Variants in BMPER observed in about 807,000 individuals in gnomAD.
BMPER encodes the protein BMP-binding endothelial regulator protein.
In BMPER, 45 loss-of-function variants were observed where a neutral mutation model predicts 87.3. The ratio of observed to expected loss-of-function variants is 0.52; its 90% confidence interval spans 0.41 to 0.66. BMPER has a LOEUF of 0.66. BMPER is among the 30% of genes least tolerant of loss of function. The pLI is 0.00. For missense variants in BMPER, 784 were observed against 867.5 expected, an observed-to-expected ratio of 0.90 and a Z score of 1.21; for synonymous variants, 326 against 316.2, an observed-to-expected ratio of 1.03 and a Z score of -0.33.
At chr7:34,057,832 A>ACG (rs1491368272) in intron 9 of BMPER, among the ~76,000 whole-genome samples, 18 of 56,208 alleles carry the variant, frequency 3.2e-4, no homozygotes, top group African/African-American at 1.7e-3. Flanking sequence ...AGGAGGGGGA[A>ACG]CACACACACA....
intron 6 of BMPER, among the ~76,000 whole-genome samples, chr7:34,035,981 G>T (rs1273374131): frequency 2.6e-5 from 4 of 152,152 alleles, no homozygotes; most frequent in African/African-American, 9.6e-5. Context: ...AAAGGCCTCC[G>T]TTCGGCTTTC....
intron 13 of BMPER, among the ~76,000 whole-genome samples, chr7:34,102,122 G>A (rs1789696224): frequency 7.3e-6 from 1 of 137,038 alleles, no homozygotes. Flanking sequence ...TTTCCATGAG[G>A]TCCCCCAGGT....
chr7:34,119,900 A>G (rs1404519674), intron 13 of BMPER, among the ~76,000 whole-genome samples: 2 of 152,292 alleles, frequency 1.3e-5, no homozygotes, highest in African/African-American at 4.8e-5. Flanking sequence ...ATAACCTAAA[A>G]CCAACCAATG....
At chr7:34,057,767 GACA>G (rs1438586210) in intron 9 of BMPER, among the ~76,000 whole-genome samples, 1 of 151,964 alleles carries the variant, frequency 6.6e-6, no homozygotes, top group Non-Finnish European at 1.5e-5. Flanking sequence ...AACAATGCAT[GACA>G]ACAAGACATA....
chr7:34,061,950 G>GTTT (rs3083769), intron 10 of BMPER, 52 bp from the exon 11 acceptor site: 15,206 of 1,163,734 alleles, frequency 0.013, 68 homozygotes, highest in Non-Finnish European at 0.014. Context: ...AGGAGACCCT[G>GTTT]TTTTTTTTTT....
intron 6 of BMPER, among the ~76,000 whole-genome samples, chr7:34,022,030 T>G (rs1787202781): frequency 6.6e-6 from 1 of 151,984 alleles, no homozygotes. Context: ...CTCAAAAAAT[T>G]TAATAATTGT....
At chr7:34,039,706 G>A (rs1368029660) in intron 6 of BMPER, among the ~76,000 whole-genome samples, 1 of 151,840 alleles carries the variant, frequency 6.6e-6, no homozygotes, top group Non-Finnish European at 1.5e-5. Flanking sequence ...ATATGTGTAT[G>A]TATATGTATA....
At chr7:33,970,994 C>T (rs1351905770) in intron 5 of BMPER, among the ~76,000 whole-genome samples, 1 of 152,186 alleles carries the variant, frequency 6.6e-6, no homozygotes, top group Non-Finnish European at 1.5e-5. Flanking sequence ...ACAAAGGCCT[C>T]CTGCATCTTT....
At chr7:34,129,792 A>G (rs1222631156) in intron 13 of BMPER, among the ~76,000 whole-genome samples, 4 of 152,100 alleles carry the variant, frequency 2.6e-5, no homozygotes, top group African/African-American at 9.7e-5. Flanking sequence ...AGTGGCTTTC[A>G]TCTTGTCCCT....
intron 5 of BMPER, among the ~76,000 whole-genome samples, chr7:33,971,060 T>G (rs1785532119): frequency 1.3e-5 from 2 of 152,328 alleles, no homozygotes; most frequent in Admixed American, 6.5e-5. Context: ...TTTTCTGATC[T>G]CTTAAGCCAC....
chr7:33,968,409 C>T (rs1785457648), intron 4 of BMPER, among the ~76,000 whole-genome samples: 1 of 152,162 alleles, frequency 6.6e-6, no homozygotes, highest in Non-Finnish European at 1.5e-5. Flanking sequence ...TTTATTGGCA[C>T]CTGTCAGGGA....
chr7:33,906,420 TCAA>T (rs1783818028), intron 1 of BMPER, among the ~76,000 whole-genome samples: 1 of 152,058 alleles, frequency 6.6e-6, no homozygotes, highest in Non-Finnish European at 1.5e-5. Flanking sequence ...TGAGTTTTGG[TCAA>T]TTTAAAATCT....
chr7:34,099,806 AT>A (rs994435020), intron 13 of BMPER, among the ~76,000 whole-genome samples: 13 of 151,174 alleles, frequency 8.6e-5, no homozygotes, highest in African/African-American at 2.7e-4. Flanking sequence ...AAAGAAACTG[AT>A]TTTTTTTTCA....
chr7:34,003,783 A>G (rs529266890), intron 6 of BMPER, among the ~76,000 whole-genome samples: 3 of 152,182 alleles, frequency 2.0e-5, no homozygotes, highest in South Asian at 4.1e-4. Context: ...TGAATCAGCT[A>G]TTTTATTGAT....
intron 12 of BMPER, among the ~76,000 whole-genome samples, chr7:34,082,122 C>G (rs544771766): frequency 6.6e-6 from 1 of 152,242 alleles, no homozygotes; most frequent in East Asian, 1.9e-4. Flanking sequence ...GCTCGCATCC[C>G]CAGATGAGAC....
intron 6 of BMPER, among the ~76,000 whole-genome samples, chr7:33,983,360 A>T (rs1341605966): frequency 6.6e-6 from 1 of 152,190 alleles, no homozygotes; most frequent in Non-Finnish European, 1.5e-5. Flanking sequence ...TGAGCACAAC[A>T]GGGAAAAAAG....
intron 6 of BMPER, among the ~76,000 whole-genome samples, chr7:34,041,533 A>G (rs568530871): frequency 5.8e-4 from 88 of 152,310 alleles, no homozygotes; most frequent in African/African-American, 2.0e-3. Flanking sequence ...ACTTAGCAAG[A>G]TACAGTTCTA....
chr7:34,101,177 T>C (rs557072064), intron 13 of BMPER, among the ~76,000 whole-genome samples: 58 of 152,354 alleles, frequency 3.8e-4, no homozygotes, highest in Non-Finnish European at 6.9e-4. Context: ...TGGGATCACA[T>C]TGACACTTTT....
intron 11 of BMPER, among the ~76,000 whole-genome samples, chr7:34,071,892 A>G (rs1031293093): frequency 1.3e-5 from 2 of 152,196 alleles, no homozygotes; most frequent in Admixed American, 1.3e-4. Context: ...GTCTTTTGAC[A>G]GGGTCTCTAT....
Sources: gnomAD v4.1 joint callset for allele counts (sites outside exome capture counted in the v4.1 genomes callset) on GRCh38, gnomAD v4.1.1 for gene constraint, MANE v1.5 for transcripts, NCBI Gene and HGNC (gene_info 2026-07-23, HGNC 2026-07-21) for gene names.